Variants in BSPRY observed in about 807,000 individuals in gnomAD.
The protein encoded by BSPRY is B-box and SPRY domain containing.
A neutral mutation model predicts 38.0 loss-of-function variants in BSPRY; 33 were observed. The ratio of observed to expected loss-of-function variants is 0.87; its 90% CI spans 0.66 to 1.16. The LOEUF (loss-of-function observed/expected upper bound fraction) is 1.16. Ranked by LOEUF, BSPRY falls within the 50% of genes most tolerant of loss-of-function variation. The pLI, the probability that BSPRY is intolerant of heterozygous loss-of-function variation, is 0.00. For synonymous variants in BSPRY, 224 were observed against 228.5 expected (o/e 0.98, Z 0.18); for missense variants, 523 against 533.2 (o/e 0.98, Z 0.19).
intron 3 of BSPRY, among the ~76,000 whole-genome samples, chr9:113,361,305 T>TA (rs1396027662): frequency 6.6e-6 from 1 of 152,252 alleles, no homozygotes; most frequent in African/African-American, 2.4e-5. Flanking sequence ...TATCATTGAA[T>TA]AATTTCTTCT....
intron 4 of BSPRY, among the ~76,000 whole-genome samples, chr9:113,366,740 A>G (rs1033580363): frequency 6.6e-6 from 1 of 152,084 alleles, no homozygotes; most frequent in Non-Finnish European, 1.5e-5. Context: ...ATGGCAATAG[A>G]CCCTCTGTTG....
intron 2 of BSPRY, among the ~76,000 whole-genome samples, chr9:113,359,288 C>T (rs1349806341): frequency 6.6e-6 from 1 of 152,220 alleles, no homozygotes; most frequent in African/African-American, 2.4e-5. Flanking sequence ...AATCTACACA[C>T]TACCTCTAAA....
intron 4 of BSPRY, among the ~76,000 whole-genome samples, chr9:113,365,528 A>G (rs938624961): frequency 2.6e-5 from 4 of 152,186 alleles, no homozygotes; most frequent in Non-Finnish European, 5.9e-5. Flanking sequence ...CTCTTTCACA[A>G]GAAGCACAAG....
chr9:113,356,374 G>A (rs761992200), intron 2 of BSPRY, among the ~76,000 whole-genome samples: 8 of 152,190 alleles, frequency 5.3e-5, no homozygotes, highest in East Asian at 1.9e-4. Context: ...GCATGGTGGC[G>A]GGCGCCTGTA....
At chr9:113,365,158 T>C (rs1834227650) in intron 4 of BSPRY, among the ~76,000 whole-genome samples, 1 of 152,182 alleles carries the variant, frequency 6.6e-6, no homozygotes. Context: ...TTTGAGCACT[T>C]GGATGTCTGC....
chr9:113,363,057 A>G (rs987515542), intron 4 of BSPRY, among the ~76,000 whole-genome samples: 9 of 152,182 alleles, frequency 5.9e-5, no homozygotes, highest in African/African-American at 2.2e-4. Context: ...CTGTATTTCA[A>G]TGGGTATAAA....
At chr9:113,353,686 G>A (rs757177866) in intron 1 of BSPRY, among the ~76,000 whole-genome samples, 1 of 152,046 alleles carries the variant, frequency 6.6e-6, no homozygotes, top group Non-Finnish European at 1.5e-5. Flanking sequence ...CTGGGCAACC[G>A]AGTGAGACTC....
chr9:113,363,185 C>G (rs1456395111), intron 4 of BSPRY, among the ~76,000 whole-genome samples: 2 of 152,182 alleles, frequency 1.3e-5, no homozygotes, highest in Non-Finnish European at 2.9e-5. Context: ...GTGTCTTACA[C>G]CTGTAATTCC....
intron 1 of BSPRY, among the ~76,000 whole-genome samples, chr9:113,350,540 A>C (rs1448152856): frequency 6.6e-6 from 1 of 151,994 alleles, no homozygotes; most frequent in African/African-American, 2.4e-5. Context: ...TGAGCTGCTG[A>C]GATTGGGAGA....
chr9:113,354,419 C>T, intron 2 of BSPRY, 81 bp downstream of exon 2: 1 of 1,050,504 alleles, frequency 9.5e-7, no homozygotes, highest in Non-Finnish European at 1.4e-6. Context: ...AGTCTAGGGT[C>T]CCTTACCAAC....
intron 2 of BSPRY, among the ~76,000 whole-genome samples, chr9:113,358,371 C>T (rs953782590): frequency 9.2e-5 from 14 of 152,106 alleles, no homozygotes; most frequent in African/African-American, 3.4e-4. Context: ...CAGCTTCAAG[C>T]AATTCTCCTG....
intron 2 of BSPRY, among the ~76,000 whole-genome samples, chr9:113,355,636 CAG>C (rs1357707406): frequency 3.2e-4 from 46 of 145,722 alleles, no homozygotes; most frequent in African/African-American, 1.1e-3. Flanking sequence ...TTTTTTGAGA[CAG>C]AGTTTCACTC....
At position 113,360,665 on chromosome 9, in the gene BSPRY, G is replaced by T. The variant is rs773608048; in HGVS notation, c.459G>T (p.Ala153=). 2.5e-6 allele frequency: 4 copies of T among 1,608,184 alleles called. No individual in the cohort carries two copies. Among genetic ancestry groups the T allele is most frequent in the Non-Finnish European group, 3.4e-6 (4 of 1,178,334 alleles). Reference sequence around the variant, plus strand: ...CACAGCGGGTGCACTGGGCCGAGGCGCTGCAGAAACTTGACACCATCCGCA... The same window carrying T: ...CACAGCGGGTGCACTGGGCCGAGGCTCTGCAGAAACTTGACACCATCCGCA... ...ILTQRVHWAE[A]LQKLDTIRTG... Residue 153 remains alanine (A), a synonymous_variant, in exon 3 of 6, where the codon GCG becomes GCT. Transcript: ENST00000374183.
At chr9:113,361,073 G>C (rs1834145870) in intron 3 of BSPRY, among the ~76,000 whole-genome samples, 1 of 152,068 alleles carries the variant, frequency 6.6e-6, no homozygotes, top group Non-Finnish European at 1.5e-5. Context: ...ACTGTGTTCT[G>C]TCTGCAGCAA....
intron 4 of BSPRY, among the ~76,000 whole-genome samples, chr9:113,365,733 A>AAGAGAAAGAG (rs1834236742): frequency 7.3e-6 from 1 of 137,734 alleles, no homozygotes; most frequent in African/African-American, 2.6e-5. Context: ...GAGAAAGAGA[A>AAGAGAAAGAG]AGAGAGAGAG....
chr9:113,357,741 C>T (rs1224675128), intron 2 of BSPRY, among the ~76,000 whole-genome samples: 1 of 151,238 alleles, frequency 6.6e-6, no homozygotes, highest in African/African-American at 2.4e-5. Context: ...CAAAGTCTCA[C>T]TCCATTGCCC....
intron 2 of BSPRY, among the ~76,000 whole-genome samples, chr9:113,356,286 C>T (rs1452845428): frequency 4.6e-5 from 7 of 152,004 alleles, no homozygotes; most frequent in Non-Finnish European, 7.4e-5. Context: ...GGGTGGATCA[C>T]GAGGTCAGGA....
chr9:113,370,250 G>A lies in BSPRY; in HGVS notation c.*108G>A. On this transcript the variant is annotated 3_prime_UTR_variant, in exon 6 of 6. Coordinates refer to ENST00000374183, the MANE Select transcript of BSPRY (RefSeq NM_017688.3). This position sits in a 1 kb window ranked among gnomAD's most constrained non-coding sequence, Gnocchi z 4.8. ...TGTGTGGTGTTTCTAAGAGAAACAG[G>A]GCCCATAACCAGTGGGCAGCTTTAG... 1.5e-6 allele frequency: 2 copies of A among 1,347,508 alleles called. No individual in the cohort carries two copies. Among genetic ancestry groups the A allele is most frequent in the Non-Finnish European group, 2.0e-6 (2 of 993,034 alleles). 83.5% of individuals were successfully genotyped at this position (1,347,508 alleles called of 1,614,324 possible).
At position 113,360,498 on chromosome 9, in the gene BSPRY, C is replaced by A. The variant is rs1423489280; in HGVS notation, c.301-9C>A. 1.3e-6 allele frequency: 2 copies of A among 1,582,416 alleles called. No individual in the cohort carries two copies. Among genetic ancestry groups the A allele is most frequent in the Admixed American group, 1.9e-5 (1 of 53,334 alleles). ...AGACCACCCAACTCCTCATTTTATCCCTCATTAGAGCATGGCCAGTGCAGC... is the reference window on the plus strand; with the variant it reads ...AGACCACCCAACTCCTCATTTTATCACTCATTAGAGCATGGCCAGTGCAGC... On this transcript the variant is annotated splice_polypyrimidine_tract_variant and intron_variant, in intron 2 of 5. Transcript: ENST00000374183.
Sources: gnomAD v4.1 joint callset for allele counts (sites outside exome capture counted in the v4.1 genomes callset) on GRCh38, gnomAD v4.1.1 for gene constraint, Gnocchi (gnomAD v3.1) non-coding constraint, MANE v1.5 for transcripts, NCBI Gene and HGNC (gene_info 2026-07-23, HGNC 2026-07-21) for gene names.